The following PECAM1 variants were observed in gnomAD, a reference collection of about 807,000 sequenced individuals.
The protein encoded by PECAM1 is platelet endothelial cell adhesion molecule.
In PECAM1, 8 loss-of-function variants were observed where a neutral mutation model predicts 13.8. The observed-to-expected ratio is 0.58, with a 90% CI of 0.34 to 1.05. The LOEUF is 1.05. Among genes scored for constraint, PECAM1 ranks in the 50% least tolerant of loss-of-function variants. The pLI, the probability that PECAM1 is intolerant of heterozygous loss-of-function variation, is 0.03. For synonymous variants in PECAM1, 136 were observed against 52.6 expected, an observed-to-expected ratio of 2.58 and a Z score of -6.86; for missense variants, 304 against 141.2, an observed-to-expected ratio of 2.15 and a Z score of -5.84.
rs2035947894 is a variant in PECAM1 at position 64,360,522 on chromosome 17, G to A, written c.1217-107C>T. 5 of 406,760 alleles carry A rather than the reference G, an allele frequency of 1.2e-5. No individual in the cohort carries two copies. In the South Asian group the frequency reaches 6.2e-4, roughly 50 times the overall value. 25.2% of individuals were successfully genotyped at this position (406,760 alleles called of 1,614,324 possible). A position where few individuals can be genotyped will look rare whatever the true frequency, so the allele number is the denominator to read the frequency against. On this transcript the variant is annotated intron_variant, in intron 6 of 15. Transcript: ENST00000563924. ...CTGAGCTTTGCTTTCTATCCCTGCT[G>A]TAATTTCAAATGCCTGCCTGCCTTA...
chr17:64,348,600 G>A (rs1030155280), intron 12 of PECAM1, among the ~76,000 whole-genome samples: 1 of 151,680 alleles, frequency 6.6e-6, no homozygotes, highest in East Asian at 1.9e-4. Flanking sequence ...TAGAGACGGG[G>A]TTAATTTTTG....
intron 14 of PECAM1, among the ~76,000 whole-genome samples, chr17:64,337,908 C>A (rs2035323787): frequency 6.8e-6 from 1 of 147,196 alleles, no homozygotes; most frequent in Non-Finnish European, 1.5e-5. Context: ...GAAACTACTT[C>A]TTCCTTTTTT....
Position 64,321,561 on chromosome 17 carries a change from C to T in PECAM1, c.*2255G>A. The T allele has an allele frequency of 1.8e-6, 1 of 565,834 alleles. No homozygotes were observed. The highest frequency in any genetic ancestry group is 2.3e-6 in the Non-Finnish European group (1 of 431,122). 35.1% of individuals were successfully genotyped at this position (565,834 alleles called of 1,614,324 possible). On this transcript the variant is annotated 3_prime_UTR_variant, in exon 16 of 16. Coordinates refer to ENST00000563924, the MANE Select transcript of PECAM1 (RefSeq NM_000442.5). ...TCACTTGAGCCCAGAAGTTCGAGAC[C>T]AGCCTGGGCACCATGGTGAAACCTC... is the stretch of plus-strand genomic sequence containing the variant.
chr17:64,381,038 A>G (rs2036471211), intron 2 of PECAM1, among the ~76,000 whole-genome samples: 1 of 152,198 alleles, frequency 6.6e-6, no homozygotes. Flanking sequence ...TTAATATTTT[A>G]CAAGTCAGCA....
Position 64,321,603 on chromosome 17 carries a change from A to G in PECAM1, c.*2213T>C, listed in dbSNP as rs1176671373. 5 of 495,306 alleles carry G rather than the reference A, an allele frequency of 1.0e-5. No homozygotes were observed. The highest frequency in any genetic ancestry group is 2.1e-5 in the African/African-American group (1 of 48,550). The allele number at this position is 495,306 out of a possible 1,614,324, so 30.7% of individuals were successfully genotyped here. A position where few individuals can be genotyped will look rare whatever the true frequency, so the allele number is the denominator to read the frequency against. On this transcript the variant is annotated 3_prime_UTR_variant, in exon 16 of 16. Coordinates refer to ENST00000563924, the MANE Select transcript of PECAM1 (RefSeq NM_000442.5). ...TGAAACCTCATCTCTGCAAAAAAAA[A>G]ATTAAAAATTAGCCAGCTATGGCGG...
At chr17:64,379,860 C>T (rs1445299220) in intron 2 of PECAM1, among the ~76,000 whole-genome samples, 1 of 150,768 alleles carries the variant, frequency 6.6e-6, no homozygotes, top group Non-Finnish European at 1.5e-5. Flanking sequence ...CCTGACTCTA[C>T]AAAAATACAA....
chr17:64,334,347 G>C (rs917256574), intron 14 of PECAM1, among the ~76,000 whole-genome samples: 90 of 152,160 alleles, frequency 5.9e-4, no homozygotes, highest in African/African-American at 2.0e-3. Context: ...GTGAAAGGGG[G>C]TTTAAGGGCC....
At chr17:64,354,909 A>G (rs964452429) in intron 9 of PECAM1, 24 bp downstream of exon 9, 129 of 475,180 alleles carry the variant, frequency 2.7e-4, no homozygotes, top group African/African-American at 5.9e-5. Flanking sequence ...ACCAGTCAGT[A>G]TGGAAGGAAA....
At chr17:64,350,270 G>A in intron 12 of PECAM1, 110 bp downstream of exon 12, 1 of 393,734 alleles carries the variant, frequency 2.5e-6, no homozygotes, top group Non-Finnish European at 4.7e-6. Context: ...GGGTCATTAA[G>A]AGAGGTGGGA....
At chr17:64,387,316 C>A (rs1246663087) in intron 2 of PECAM1, among the ~76,000 whole-genome samples, 3 of 151,390 alleles carry the variant, frequency 2.0e-5, no homozygotes, top group African/African-American at 7.3e-5. Flanking sequence ...TGCTGGGAGG[C>A]GAGGCGTGTC....
chr17:64,320,200 A>G lies in PECAM1; in HGVS notation c.*3616T>C, dbSNP rs1490874763. The G allele has an allele frequency of 1.3e-5, 2 of 152,144 alleles. No individual in the cohort carries two copies. Among genetic ancestry groups the G allele is most frequent in the African/African-American group, 4.8e-5 (2 of 41,428 alleles). The allele number at this position is 152,144 out of a possible 1,614,324, so 9.4% of individuals were successfully genotyped here. ...CAATGACGCTGGTGGAGAGTCTTAAAAACAGCTGTGCTGGGGAGAGTTCTT... is the reference window on the plus strand; with the variant it reads ...CAATGACGCTGGTGGAGAGTCTTAAGAACAGCTGTGCTGGGGAGAGTTCTT... On this transcript the variant is annotated 3_prime_UTR_variant, in exon 16 of 16. Coordinates refer to ENST00000563924, the MANE Select transcript of PECAM1 (RefSeq NM_000442.5).
intron 3 of PECAM1, among the ~76,000 whole-genome samples, chr17:64,376,565 G>A (rs1006332246): frequency 1.2e-4 from 18 of 152,084 alleles, no homozygotes; most frequent in African/African-American, 4.3e-4. Flanking sequence ...CCTACTATGA[G>A]CCACATTCAT....
rs56367841 is a variant in PECAM1 at position 64,353,590 on chromosome 17, C to T, written c.1889-72G>A. On this transcript the variant is annotated intron_variant, in intron 9 of 15. Coordinates refer to ENST00000563924, the MANE Select transcript of PECAM1 (RefSeq NM_000442.5). ...ATCCATACCACTATAATGGCCAAAA[C>T]GCCAATGGCTTTTGCACTAACCTAA... 35 of 442,072 alleles carry T rather than the reference C, an allele frequency of 7.9e-5. 1 individual carries two copies. The highest frequency in any genetic ancestry group is 6.1e-4 in the Middle Eastern group (1 of 1,650). The allele number at this position is 442,072 out of a possible 1,614,324, so 27.4% of individuals were successfully genotyped here.
chr17:64,339,666 T>A (rs2035376445), intron 14 of PECAM1, among the ~76,000 whole-genome samples: 1 of 152,192 alleles, frequency 6.6e-6, no homozygotes. Context: ...ATATGGAGAT[T>A]GTGAAATGAG....
chr17:64,385,747 A>C (rs2036579096), intron 2 of PECAM1, among the ~76,000 whole-genome samples: 1 of 152,152 alleles, frequency 6.6e-6, no homozygotes. Flanking sequence ...GTCTGAAGGA[A>C]GTGACCACTG....
intron 14 of PECAM1, among the ~76,000 whole-genome samples, chr17:64,336,925 A>G (rs1299207349): frequency 6.6e-6 from 1 of 151,884 alleles, no homozygotes; most frequent in Non-Finnish European, 1.5e-5. Flanking sequence ...AGATAGAAAG[A>G]AGGAGGAAAG....
intron 14 of PECAM1, 39 bp downstream of exon 14, chr17:64,341,595 G>C: frequency 2.3e-6 from 1 of 432,742 alleles, no homozygotes; most frequent in East Asian, 3.4e-5. Context: ...GATTCTAGGG[G>C]GCATCCCCCA....
chr17:64,385,734 G>T (rs2036578729), intron 2 of PECAM1, among the ~76,000 whole-genome samples: 1 of 152,180 alleles, frequency 6.6e-6, no homozygotes, highest in Admixed American at 6.5e-5. Context: ...GAGAGGTCAA[G>T]GAGTCTGAAG....
At chr17:64,387,881 A>G (rs1356035634) in intron 2 of PECAM1, among the ~76,000 whole-genome samples, 4 of 152,198 alleles carry the variant, frequency 2.6e-5, no homozygotes, top group Non-Finnish European at 5.9e-5. Flanking sequence ...CCCCAGCCGC[A>G]GAGCGGGAGA....
Sources: gnomAD v4.1 joint callset for allele counts (sites outside exome capture counted in the v4.1 genomes callset) on GRCh38, gnomAD v4.1.1 for gene constraint, MANE v1.5 for transcripts, NCBI Gene and HGNC (gene_info 2026-07-23, HGNC 2026-07-21) for gene names.